ZDHHC18: variants seen among roughly 807,000 people sequenced by gnomAD.
The protein encoded by ZDHHC18 is zDHHC palmitoyltransferase 18.
In ZDHHC18, 23 loss-of-function variants were observed where a neutral mutation model predicts 37.5. The observed-to-expected ratio is 0.61, with a 90% CI of 0.44 to 0.87. ZDHHC18 has a LOEUF of 0.87. ZDHHC18 is among the 40% of genes least tolerant of loss of function. The pLI is 0.00. For missense variants in ZDHHC18, 406 were observed against 525.6 expected (o/e 0.77, Z 2.22); for synonymous variants, 185 against 218.7 (o/e 0.85, Z 1.36).
Position 26,850,281 on chromosome 1 carries a change from C to T in ZDHHC18, c.647-20C>T, listed in dbSNP as rs1331943798. On this transcript the variant is annotated intron_variant, in intron 3 of 7. Coordinates refer to ENST00000374142, the MANE Select transcript of ZDHHC18 (RefSeq NM_032283.3). The surrounding 1 kb of genome is among the most constrained non-coding windows in gnomAD (Gnocchi z 6.1). ...TGCAGGCCAGCCCACACTAACCCAT[C>T]GCCCCTTGCCCTTGTCCAGAACGAT... The T allele has an allele frequency of 2.5e-6, 4 of 1,612,652 alleles. No individual in the cohort carries two copies. Among genetic ancestry groups the T allele is most frequent in the African/African-American group, 1.3e-5 (1 of 74,882 alleles).
At chr1:26,842,794 A>G (rs1239458605) in intron 2 of ZDHHC18, among the ~76,000 whole-genome samples, 2 of 152,290 alleles carry the variant, frequency 1.3e-5, no homozygotes. Flanking sequence ...CTTCACTGAT[A>G]TATGCCAAGT....
rs181161357 is a variant in ZDHHC18 at position 26,851,110 on chromosome 1, A to C, written c.834-19A>C. 1 of 1,611,616 alleles carries C rather than the reference A, an allele frequency of 6.2e-7. No individual in the cohort carries two copies. The highest frequency in any genetic ancestry group is 8.5e-7 in the Non-Finnish European group (1 of 1,177,700). Reference sequence around the variant, plus strand: ...AGGCTCCCCACCCTCCACCCATTGAAGTCCTTAACTGCCCTCACCGTGCTG... The same window carrying C: ...AGGCTCCCCACCCTCCACCCATTGACGTCCTTAACTGCCCTCACCGTGCTG... On this transcript the variant is annotated intron_variant, in intron 5 of 7. Transcript: ENST00000374142.
chr1:26,841,997 T>C (rs2081641461), intron 2 of ZDHHC18, among the ~76,000 whole-genome samples: 1 of 152,056 alleles, frequency 6.6e-6, no homozygotes, highest in South Asian at 2.1e-4. Flanking sequence ...TAGCCAGGCA[T>C]GGTTGCGGGC....
Position 26,829,824 on chromosome 1 carries a change from T to G in ZDHHC18, c.336-2623T>G, listed in dbSNP as rs75991222. On this transcript the variant is annotated intron_variant, in intron 1 of 7. Transcript: ENST00000374142. ...CTGGCTAGATGACCTTGAACCTAGC[T>G]GTGGGCCTGGGAGAGCTGTTAGCCT... 5.9e-3 allele frequency among the ~76,000 whole-genome samples: 896 copies of G among 152,330 alleles called. 4 individuals carry two copies. Among genetic ancestry groups the G allele is most frequent in the Non-Finnish European group, 9.6e-3 (651 of 68,032 alleles).
chr1:26,856,407 T>C lies in ZDHHC18; in HGVS notation c.*2564T>C. On this transcript the variant is annotated 3_prime_UTR_variant, in exon 8 of 8. Transcript: ENST00000374142. The surrounding 1 kb of genome is among the most constrained non-coding windows in gnomAD (Gnocchi z 5.2). ...TGTGTGTGCTGGTGGTGGTAGGGTCTCCAGGGACTCCCCGCTAAGCAGAAG... is the reference window on the plus strand; with the variant it reads ...TGTGTGTGCTGGTGGTGGTAGGGTCCCCAGGGACTCCCCGCTAAGCAGAAG... 3.4e-6 allele frequency: 1 copy of C among 291,582 alleles called. No individual in the cohort carries two copies. The highest frequency in any genetic ancestry group is 7.6e-6 in the Non-Finnish European group (1 of 131,730). The allele number at this position is 291,582 out of a possible 1,614,324, so 18.1% of individuals were successfully genotyped here.
At chr1:26,839,338 C>G (rs2081627405) in intron 2 of ZDHHC18, among the ~76,000 whole-genome samples, 1 of 152,210 alleles carries the variant, frequency 6.6e-6, no homozygotes, top group South Asian at 2.1e-4. Context: ...GGGATAGCAT[C>G]ACTTACCATC....
intron 2 of ZDHHC18, among the ~76,000 whole-genome samples, chr1:26,846,310 ATTTTTTTTTTTTT>A (rs56921528): frequency 6.9e-5 from 3 of 43,620 alleles, no homozygotes; most frequent in South Asian, 2.3e-3. Context: ...ATATATATAT[ATTTTTTTTTTTTT>A]TTTTTTTTTT....
chr1:26,831,328 A>G (rs1416786752), intron 1 of ZDHHC18, among the ~76,000 whole-genome samples: 5 of 152,226 alleles, frequency 3.3e-5, no homozygotes, highest in African/African-American at 1.2e-4. Flanking sequence ...GAGCAGGAGC[A>G]AGACGAGAGT....
rs1161014209 is a variant in ZDHHC18, at chr1:26,853,121, G to A, written c.1049+256G>A. 3 of 388,718 alleles carry A rather than the reference G, an allele frequency of 7.7e-6. No individual in the cohort carries two copies. The East Asian group carries it at 1.6e-4, about 20-fold the overall frequency. 24.1% of individuals were successfully genotyped at this position (388,718 alleles called of 1,614,324 possible). A position where few individuals can be genotyped will look rare whatever the true frequency, so the allele number is the denominator to read the frequency against. Reference sequence around the variant, plus strand: ...TGACATGTAATTCTACTCCCCGGGGGTAGCCACCATGACTGTTTCAGCCAT... The same window carrying A: ...TGACATGTAATTCTACTCCCCGGGGATAGCCACCATGACTGTTTCAGCCAT... On this transcript the variant is annotated intron_variant, in intron 7 of 7. Transcript: ENST00000374142.
rs573794595 is a variant in ZDHHC18, at chr1:26,833,127, A to G, written c.496+520A>G. Among the ~76,000 whole-genome samples, 3 of 152,386 alleles carry G rather than the reference A, an allele frequency of 2.0e-5. No homozygotes were observed. In the East Asian group the frequency reaches 5.8e-4, roughly 29 times the overall value. On this transcript the variant is annotated intron_variant, in intron 2 of 7. Transcript: ENST00000374142. ...CCAGGCACTTTTCTAGATGTGATAC[A>G]GCAGTGAACAAAACTGACAATAGTC...
In ZDHHC18 at chr1:26,855,027, A is replaced by G. The variant is rs1371133205; in HGVS notation, c.*1184A>G. On this transcript the variant is annotated 3_prime_UTR_variant, in exon 8 of 8. Coordinates refer to ENST00000374142, the MANE Select transcript of ZDHHC18 (RefSeq NM_032283.3). ...CCACTGGGGCTCAGCCCAGCCTCCTATCTTTCCTTCTTCTATGGACTTCAG... is the reference window on the plus strand; with the variant it reads ...CCACTGGGGCTCAGCCCAGCCTCCTGTCTTTCCTTCTTCTATGGACTTCAG... The G allele has an allele frequency of 1.3e-5, 2 of 152,246 alleles. No homozygotes were observed. The highest frequency in any genetic ancestry group is 4.8e-5 in the African/African-American group (2 of 41,452). 9.4% of individuals were successfully genotyped at this position (152,246 alleles called of 1,614,324 possible).
chr1:26,855,435 T>C lies in ZDHHC18; in HGVS notation c.*1592T>C, dbSNP rs2081729005. ...GATATTGTTCCACCATCCCCCTCCT[T>C]GGCCCTTCAAGTGGGCTGAAGCCCT... is the stretch of plus-strand genomic sequence containing the variant. On this transcript the variant is annotated 3_prime_UTR_variant, in exon 8 of 8. Coordinates refer to ENST00000374142, the MANE Select transcript of ZDHHC18 (RefSeq NM_032283.3). 1 of 152,822 alleles carries C rather than the reference T, an allele frequency of 6.5e-6. No homozygotes were observed. The highest frequency in any genetic ancestry group is 6.5e-5 in the Admixed American group (1 of 15,306). 9.5% of individuals were successfully genotyped at this position (152,822 alleles called of 1,614,324 possible).
In ZDHHC18 at chr1:26,850,706, G is replaced by A; in HGVS notation, c.833+100G>A. 7.5e-7 allele frequency: 1 copy of A among 1,338,416 alleles called. No individual in the cohort carries two copies. Among genetic ancestry groups the A allele is most frequent in the Non-Finnish European group, 1.1e-6 (1 of 951,548 alleles). 82.9% of individuals were successfully genotyped at this position (1,338,416 alleles called of 1,614,324 possible). A position where few individuals can be genotyped will look rare whatever the true frequency, so the allele number is the denominator to read the frequency against. ...TCTAATCAGAAGGGAACAGCGTACA[G>A]CTCACATGTGTCCTCCAGAATCCAA... On this transcript the variant is annotated intron_variant, in intron 5 of 7. Coordinates refer to ENST00000374142, the MANE Select transcript of ZDHHC18 (RefSeq NM_032283.3). This position sits in a 1 kb window ranked among gnomAD's most constrained non-coding sequence, Gnocchi z 6.1.
rs145113615 is a variant in ZDHHC18, at chr1:26,855,988, G to C, written c.*2145G>C. 193 of 317,080 alleles carry C rather than the reference G, an allele frequency of 6.1e-4. 1 individual carries two copies. The highest frequency in any genetic ancestry group is 3.6e-3 in the African/African-American group (166 of 46,584). 19.6% of individuals were successfully genotyped at this position (317,080 alleles called of 1,614,324 possible). A position where few individuals can be genotyped will look rare whatever the true frequency, so the allele number is the denominator to read the frequency against. On this transcript the variant is annotated 3_prime_UTR_variant, in exon 8 of 8. Transcript: ENST00000374142. ...CCCTCCACCTTCCCCTGCCTCAGGGGCTTGGAGACCCCCAAATTCTTCTTC... is the reference window on the plus strand; with the variant it reads ...CCCTCCACCTTCCCCTGCCTCAGGGCCTTGGAGACCCCCAAATTCTTCTTC...
chr1:26,855,761 G>A lies in ZDHHC18; in HGVS notation c.*1918G>A, dbSNP rs986597431. 1 of 154,178 alleles carries A rather than the reference G, an allele frequency of 6.5e-6. No individual in the cohort carries two copies. Among genetic ancestry groups the A allele is most frequent in the Non-Finnish European group, 1.4e-5 (1 of 68,996 alleles). 9.6% of individuals were successfully genotyped at this position (154,178 alleles called of 1,614,324 possible). On this transcript the variant is annotated 3_prime_UTR_variant, in exon 8 of 8. Transcript: ENST00000374142. The stretch of plus-strand genomic sequence containing the variant: ...GGTTTTTGTTTGCTTTTCCTTTGCT[G>A]AGGCCCCAACTGGGAGCCCTCTGTT...
chr1:26,834,231 GAC>G (rs1221360414), intron 2 of ZDHHC18, among the ~76,000 whole-genome samples: 3 of 152,246 alleles, frequency 2.0e-5, no homozygotes, highest in African/African-American at 7.2e-5. Flanking sequence ...GGATCACAGT[GAC>G]AGCAGTAATC....
intron 2 of ZDHHC18, among the ~76,000 whole-genome samples, chr1:26,846,965 G>A (rs2081671592): frequency 6.6e-6 from 1 of 151,064 alleles, no homozygotes; most frequent in Admixed American, 6.6e-5. Flanking sequence ...GCATGATCTC[G>A]GCTCACTGCA....
At chr1:26,853,642 T>G in intron 7 of ZDHHC18, 84 bp from the exon 8 acceptor site, 35 of 1,311,074 alleles carry the variant, frequency 2.7e-5, no homozygotes, top group Non-Finnish European at 3.4e-5. Flanking sequence ...TTTCCTTGGC[T>G]GAGATAGACT....
intron 2 of ZDHHC18, among the ~76,000 whole-genome samples, chr1:26,847,856 T>C (rs2081679911): frequency 6.6e-6 from 1 of 152,152 alleles, no homozygotes; most frequent in Admixed American, 6.6e-5. Flanking sequence ...CTCCTCTCTC[T>C]TTTTATAAAT....
Sources: allele counts gnomAD v4.1 joint callset (sites outside exome capture counted in the v4.1 genomes callset), GRCh38; gene constraint gnomAD v4.1.1; non-coding constraint Gnocchi (gnomAD v3.1); transcripts MANE v1.5; gene names NCBI Gene and HGNC (gene_info 2026-07-23, HGNC 2026-07-21).